Variants in ZNF697 observed in about 807,000 individuals in gnomAD.
ZNF697 encodes the protein zinc finger protein 697.
A neutral mutation model predicts 32.4 loss-of-function variants in ZNF697; 23 were observed. The observed-to-expected ratio is 0.71, with a 90% CI of 0.51 to 1.01. The LOEUF (loss-of-function observed/expected upper bound fraction) is 1.01. Among genes scored for constraint, ZNF697 ranks in the 50% least tolerant of loss-of-function variants. The pLI, the probability that ZNF697 is intolerant of heterozygous loss-of-function variation, is 0.00. For synonymous variants in ZNF697, 418 were observed against 337.2 expected (o/e 1.24, Z -2.62); for missense variants, 930 against 794.0 (o/e 1.17, Z -2.06).
intron 1 of ZNF697, among the ~76,000 whole-genome samples, chr1:119,628,416 A>G (rs1001145602): frequency 6.6e-6 from 1 of 152,198 alleles, no homozygotes; most frequent in African/African-American, 2.4e-5. Flanking sequence ...ACGTGGAAAC[A>G]TGGTTTTTCT....
chr1:119,632,060 T>G (rs12068218), intron 1 of ZNF697, among the ~76,000 whole-genome samples: 5,136 of 152,146 alleles, frequency 0.034, 108 homozygotes, highest in Middle Eastern at 0.11. Context: ...TTGTCCATCT[T>G]CAGCACCAAC....
Position 119,622,854 on chromosome 1 carries a change from C to G in ZNF697, c.1489G>C (p.Glu497Gln). 1 of 1,608,928 alleles carries G rather than the reference C, an allele frequency of 6.2e-7. No homozygotes were observed. The highest frequency in any genetic ancestry group is 8.5e-7 in the Non-Finnish European group (1 of 1,177,514). ...CTCTGGATAAAGCTCTTGCCGCACT[C>G]GATGCACGTGTAGGGCTTCTCGCCC... ...HTGEKPYTCI[E>Q]CGKSFIQSSH... The change falls in exon 3 of 3, where the codon GAG (glutamate) becomes CAG (glutamine). Residue 497 changes from glutamate to glutamine, a missense_variant. By Grantham distance (29) the Glu-to-Gln change is conservative. Transcript: ENST00000421812.
At chr1:119,646,268 G>A (rs1441886088) in intron 1 of ZNF697, among the ~76,000 whole-genome samples, 6 of 150,870 alleles carry the variant, frequency 4.0e-5, no homozygotes, top group Non-Finnish European at 7.4e-5. Context: ...ATTCTCTGTT[G>A]GGCATGGCTG....
In ZNF697 at chr1:119,623,268, C is replaced by T. The variant is rs1479943429; in HGVS notation, c.1075G>A (p.Gly359Ser). 5 of 1,524,368 alleles carry T rather than the reference C, an allele frequency of 3.3e-6. No individual in the cohort carries two copies. The highest frequency in any genetic ancestry group is 2.0e-5 in the Admixed American group (1 of 49,134). 94.4% of individuals were successfully genotyped at this position (1,524,368 alleles called of 1,614,324 possible). The change falls in exon 3 of 3, where the codon GGC becomes AGC. Residue 359 changes from glycine to serine, a missense_variant. Coordinates refer to ENST00000421812, the MANE Select transcript of ZNF697 (RefSeq NM_001080470.2). ...TGCGAACGGCGCACGAAGCCCTTGC[C>T]GCACTCCCCGCAGGCGAAGGGCCGC... is the stretch of plus-strand genomic sequence containing the variant. ...ALRPFACGEC[G>S]KGFVRRSHLA... is the part of the protein sequence containing the mutation.
intron 1 of ZNF697, among the ~76,000 whole-genome samples, chr1:119,636,303 G>A (rs587749095): frequency 6.6e-6 from 1 of 152,318 alleles, no homozygotes; most frequent in Non-Finnish European, 1.5e-5. Context: ...TTCTCCTGAT[G>A]AGAAGGCCCA....
Position 119,620,245 on chromosome 1 carries a change from TC to T in ZNF697, c.*2459del, listed in dbSNP as rs1187185296. 6.6e-6 allele frequency: 1 copy of T among 152,550 alleles called. No homozygotes were observed. Among genetic ancestry groups the T allele is most frequent in the Non-Finnish European group, 1.5e-5 (1 of 68,028 alleles). The allele number at this position is 152,550 out of a possible 1,614,324, so 9.4% of individuals were successfully genotyped here. A position where few individuals can be genotyped will look rare whatever the true frequency, so the allele number is the denominator to read the frequency against. On this transcript the variant is annotated 3_prime_UTR_variant, in exon 3 of 3. Coordinates refer to ENST00000421812, the MANE Select transcript of ZNF697 (RefSeq NM_001080470.2). Reference sequence around the variant, plus strand: ...AGAGAGGTAAATGAAGTCCAAAGATTCCCACTGCCACTAAACTATTTTACAT... The same window carrying T: ...AGAGAGGTAAATGAAGTCCAAAGATTCCACTGCCACTAAACTATTTTACAT...
intron 1 of ZNF697, among the ~76,000 whole-genome samples, chr1:119,627,441 C>T (rs587749768): frequency 6.6e-6 from 1 of 152,318 alleles, no homozygotes; most frequent in Non-Finnish European, 1.5e-5. Flanking sequence ...GGTAAGGCTA[C>T]TTAACCTTTC....
rs1206490878 is a variant in ZNF697 at position 119,623,299 on chromosome 1, C to T, written c.1044G>A (p.Ala348=). The change falls in exon 3 of 3, where the codon GCG becomes GCA. Residue 348 remains alanine, a synonymous_variant. Transcript: ENST00000421812. ...CCCCGCAGGCGAAGGGCCGCAGCGCCGCCGCCCCCGCGCCGCTGGCCGCCG... is the reference window on the plus strand; with the variant it reads ...CCCCGCAGGCGAAGGGCCGCAGCGCTGCCGCCCCCGCGCCGCTGGCCGCCG... ...AHAAASGAGA[A]ALRPFACGEC... The T allele has an allele frequency of 3.7e-6, 5 of 1,361,634 alleles. No individual in the cohort carries two copies. The highest frequency in any genetic ancestry group is 4.7e-6 in the Non-Finnish European group (5 of 1,060,800). 84.3% of individuals were successfully genotyped at this position (1,361,634 alleles called of 1,614,324 possible). A position where few individuals can be genotyped will look rare whatever the true frequency, so the allele number is the denominator to read the frequency against.
chr1:119,622,443 C>T lies in ZNF697; in HGVS notation c.*262G>A, dbSNP rs933841609. Reference sequence around the variant, plus strand: ...GCCTGGTCCTCCAAGCTCTTCACCCCCTACAGCGTGTATTTAAGGAAGTCA... The same window carrying T: ...GCCTGGTCCTCCAAGCTCTTCACCCTCTACAGCGTGTATTTAAGGAAGTCA... On this transcript the variant is annotated 3_prime_UTR_variant, in exon 3 of 3. Transcript: ENST00000421812. The T allele has an allele frequency of 1.8e-6, 1 of 546,924 alleles. No homozygotes were observed. 33.9% of individuals were successfully genotyped at this position (546,924 alleles called of 1,614,324 possible).
At chr1:119,625,315 CAAG>C (rs587644188) in intron 2 of ZNF697, among the ~76,000 whole-genome samples, 18 of 152,248 alleles carry the variant, frequency 1.2e-4, no homozygotes, top group Admixed American at 1.0e-3. Context: ...AAGACAGAAA[CAAG>C]GAGGTGGGTG....
At chr1:119,624,757 G>A (rs746471534) in intron 2 of ZNF697, among the ~76,000 whole-genome samples, 5 of 152,046 alleles carry the variant, frequency 3.3e-5, no homozygotes, top group Non-Finnish European at 5.9e-5. Flanking sequence ...ACCACGCCCA[G>A]CTAACTTGTA....
In ZNF697 at chr1:119,623,304, C is replaced by T. The variant is rs1490045532; in HGVS notation, c.1039G>A (p.Ala347Thr). ...RAHAAASGAGAAALRPFACGE... is the reference protein window; with the variant it reads ...RAHAAASGAGTAALRPFACGE... ...CAGGCGAAGGGCCGCAGCGCCGCCGCCCCCGCGCCGCTGGCCGCCGCGTGC... is the reference window on the plus strand; with the variant it reads ...CAGGCGAAGGGCCGCAGCGCCGCCGTCCCCGCGCCGCTGGCCGCCGCGTGC... The change falls in exon 3 of 3, where the codon GCG becomes ACG. Residue 347 changes from alanine to threonine, a missense_variant. Physicochemically the swap from Ala to Thr is moderately conservative, Grantham distance 58. Coordinates refer to ENST00000421812, the MANE Select transcript of ZNF697 (RefSeq NM_001080470.2). 9 of 1,327,826 alleles carry T rather than the reference C, an allele frequency of 6.8e-6. No homozygotes were observed. In the African/African-American group the frequency reaches 9.7e-5, roughly 14 times the overall value. The allele number at this position is 1,327,826 out of a possible 1,614,324, so 82.3% of individuals were successfully genotyped here.
chr1:119,622,828 G>A lies in ZNF697; in HGVS notation c.1515C>T (p.Ser505=), dbSNP rs1451689982. Residue 505 remains serine, a synonymous_variant, in exon 3 of 3, where the codon AGC becomes AGT. Transcript: ENST00000421812. ...CIECGKSFIQ[S]SHLIRHRRIH... ...TGCGGCGGTGGCGGATCAGGTGGGA[G>A]CTCTGGATAAAGCTCTTGCCGCACT... 4.4e-6 allele frequency: 7 copies of A among 1,603,800 alleles called. No homozygotes were observed. Among genetic ancestry groups the A allele is most frequent in the South Asian group, 3.3e-5 (3 of 89,990 alleles).
intron 1 of ZNF697, among the ~76,000 whole-genome samples, chr1:119,639,815 C>T (rs1345768813): frequency 2.6e-5 from 4 of 151,774 alleles, no homozygotes; most frequent in Non-Finnish European, 5.9e-5. Flanking sequence ...AAGGTATTCA[C>T]ACCACTGGAC....
At chr1:119,646,131 TG>T (rs1649195851) in intron 1 of ZNF697, among the ~76,000 whole-genome samples, 1 of 152,314 alleles carries the variant, frequency 6.6e-6, no homozygotes, top group South Asian at 2.1e-4. Context: ...CCGGTTCTTC[TG>T]TCTGACTAGC....
At chr1:119,633,355 G>GGTGTGTGT (rs1648831819) in intron 1 of ZNF697, among the ~76,000 whole-genome samples, 1 of 124,082 alleles carries the variant, frequency 8.1e-6, no homozygotes, top group African/African-American at 4.0e-5. Flanking sequence ...GAACCAATAG[G>GGTGTGTGT]ATGTGTGTGT....
intron 1 of ZNF697, among the ~76,000 whole-genome samples, chr1:119,637,570 C>T (rs1317222111): frequency 6.6e-6 from 1 of 152,234 alleles, no homozygotes; most frequent in African/African-American, 2.4e-5. Context: ...CCAACCCGCT[C>T]TGTCATATTC....
At chr1:119,633,052 G>C (rs961920281) in intron 1 of ZNF697, among the ~76,000 whole-genome samples, 1 of 152,186 alleles carries the variant, frequency 6.6e-6, no homozygotes, top group African/African-American at 2.4e-5. Flanking sequence ...TTTCTCAGCA[G>C]CTGGCTCAAA....
chr1:119,636,715 C>A (rs587665310), intron 1 of ZNF697, among the ~76,000 whole-genome samples: 1 of 152,252 alleles, frequency 6.6e-6, no homozygotes, highest in South Asian at 2.1e-4. Context: ...ATGAACACAC[C>A]AGTTAAGGGC....
Sources: allele counts gnomAD v4.1 joint callset (sites outside exome capture counted in the v4.1 genomes callset), GRCh38; gene constraint gnomAD v4.1.1; transcripts MANE v1.5; gene names NCBI Gene and HGNC (gene_info 2026-07-23, HGNC 2026-07-21).